The following CBX7 variants were observed in gnomAD, a reference collection of about 807,000 sequenced individuals.
CBX7 encodes chromobox protein homolog 7.
A neutral mutation model predicts 31.4 loss-of-function variants in CBX7; 14 were observed. The observed-to-expected ratio is 0.45, with a 90% CI of 0.29 to 0.70. The LOEUF (loss-of-function observed/expected upper bound fraction) is 0.70, where lower values mean the gene tolerates loss of function less well. Among genes scored for constraint, CBX7 ranks in the 30% least tolerant of loss-of-function variants. The pLI is 0.11. For missense variants in CBX7, 269 were observed against 351.9 expected, an observed-to-expected ratio of 0.76 and a Z score of 1.89; for synonymous variants, 159 against 152.6, an observed-to-expected ratio of 1.04 and a Z score of -0.31.
In CBX7 at chr22:39,133,793, TA is replaced by T. The variant is rs1219140547; in HGVS notation, c.*97del. 6 of 1,190,064 alleles carry T rather than the reference TA, an allele frequency of 5.0e-6. No homozygotes were observed. In the East Asian group the frequency reaches 1.7e-4, roughly 33 times the overall value. 73.7% of individuals were successfully genotyped at this position (1,190,064 alleles called of 1,614,324 possible). On this transcript the variant is annotated 3_prime_UTR_variant, in exon 6 of 6. Transcript: ENST00000216133. ...CCCCTTTTGCTGCTCGGTATTTTTT[TA>T]AATAAAATAATTACCCCGCCCCCAA... is the stretch of plus-strand genomic sequence containing the variant.
At chr22:39,142,329 T>C (rs951121365) in intron 2 of CBX7, among the ~76,000 whole-genome samples, 3 of 152,018 alleles carry the variant, frequency 2.0e-5, no homozygotes, top group South Asian at 2.1e-4. Context: ...ATCCCCAGCA[T>C]AGTCTCCCTC....
rs377477474 is a variant in CBX7 at position 39,134,393 on chromosome 22, C to A, written c.598+8G>T. ...GCTCTGAGGGTCTCTGGGCTGGGGCCGCCTTACCCTCCTCTTCAGGGGGCT... is the reference window on the plus strand; with the variant it reads ...GCTCTGAGGGTCTCTGGGCTGGGGCAGCCTTACCCTCCTCTTCAGGGGGCT... On this transcript the variant is annotated splice_region_variant and intron_variant, in intron 5 of 5. Coordinates refer to ENST00000216133, the MANE Select transcript of CBX7 (RefSeq NM_175709.5). The A allele has an allele frequency of 6.3e-7, 1 of 1,591,276 alleles. No individual in the cohort carries two copies. The highest frequency in any genetic ancestry group is 1.1e-5 in the South Asian group (1 of 90,122).
intron 3 of CBX7, chr22:39,141,112 C>T: frequency 2.2e-6 from 1 of 464,144 alleles, no homozygotes; most frequent in Admixed American, 3.9e-5. Flanking sequence ...TCAGGGTGGC[C>T]CATTTGACAG....
chr22:39,133,911 C>T lies in CBX7; in HGVS notation c.736G>A (p.Asp246Asn). 1 of 1,612,004 alleles carries T rather than the reference C, an allele frequency of 6.2e-7. No homozygotes were observed. ...EAQAAEGFFR[D>N]RSGKF ...GTGATTCAGAACTTCCCACTGCGGT[C>T]TCGGAAGAAGCCCTCAGCTGCCTGG... is the stretch of plus-strand genomic sequence containing the variant. Residue 246 changes from aspartate (D) to asparagine (N), a missense_variant, in exon 6 of 6, where the codon GAC (aspartate) becomes AAC (asparagine). Asp to Asn is a conservative substitution (Grantham distance 23). This residue lies in a region of CBX7 where 222 missense variants were observed against 240.4 expected (regional missense o/e 0.92). Transcript: ENST00000216133.
intron 4 of CBX7, among the ~76,000 whole-genome samples, chr22:39,137,345 G>T (rs1930289788): frequency 7.1e-6 from 1 of 140,002 alleles, no homozygotes; most frequent in Non-Finnish European, 1.6e-5. Context: ...TTCTTGTTGG[G>T]GTGGGGGGGC....
Position 39,134,449 on chromosome 22 carries a change from G to T in CBX7, c.550C>A (p.Gln184Lys), listed in dbSNP as rs1464147321. 3 of 1,606,108 alleles carry T rather than the reference G, an allele frequency of 1.9e-6. No individual in the cohort carries two copies. In the Admixed American group the frequency reaches 5.0e-5, roughly 27 times the overall value. The change falls in exon 5 of 6, where the codon CAG becomes AAG. Residue 184 changes from glutamine to lysine, a missense_variant. Around this residue, in one of 2 missense-constraint regions of CBX7, gnomAD observed 222 missense variants for 240.4 expected, o/e 0.92. Coordinates refer to ENST00000216133, the MANE Select transcript of CBX7 (RefSeq NM_175709.5). ...GCAGGCTCCCACTCGCCAGCCGCCT[G>T]CAGGACGTCTGGGGCCGGTGGCTCC... ...LQEPPAPDVL[Q>K]AAGEWEPAAQ...
Position 39,134,445 on chromosome 22 carries a change from G to T in CBX7, c.554C>A (p.Ala185Glu), listed in dbSNP as rs1258535046. 2.5e-6 allele frequency: 4 copies of T among 1,605,382 alleles called. No homozygotes were observed. The South Asian group carries it at 3.3e-5, about 13-fold the overall frequency. Residue 185 changes from alanine to glutamate, a missense_variant, in exon 5 of 6, where the codon GCG (alanine) becomes GAG (glutamate). Ala to Glu is a moderately radical substitution (Grantham distance 107). Around this residue, in one of 2 missense-constraint regions of CBX7, gnomAD observed 222 missense variants for 240.4 expected, o/e 0.92. Transcript: ENST00000216133. ...QEPPAPDVLQ[A>E]AGEWEPAAQP... ...CGCAGCAGGCTCCCACTCGCCAGCC[G>T]CCTGCAGGACGTCTGGGGCCGGTGG...
intron 2 of CBX7, among the ~76,000 whole-genome samples, chr22:39,143,260 A>G (rs1930522696): frequency 6.6e-6 from 1 of 150,988 alleles, no homozygotes; most frequent in Non-Finnish European, 1.5e-5. Flanking sequence ...GCTCAAAAAC[A>G]ATGAAAATAA....
intron 2 of CBX7, among the ~76,000 whole-genome samples, chr22:39,143,022 G>C (rs1055876131): frequency 2.6e-5 from 4 of 152,156 alleles, no homozygotes; most frequent in Non-Finnish European, 5.9e-5. Context: ...CAGCACTTTG[G>C]GTGGCCAGAT....
At position 39,152,358 on chromosome 22, in the gene CBX7, GC is replaced by G. The variant is rs774503563; in HGVS notation, c.69+17del. On this transcript the variant is annotated intron_variant, in intron 1 of 5. Coordinates refer to ENST00000216133, the MANE Select transcript of CBX7 (RefSeq NM_175709.5). The surrounding 1 kb of genome is among the most constrained non-coding windows in gnomAD (Gnocchi z 4.9). ...GGACCCCACTGGGGTCCTGGGAGCC[GC>G]CCCCGGGCAGCCTCACCTTCCGCAC... is the stretch of plus-strand genomic sequence containing the variant. 58 of 1,379,112 alleles carry G rather than the reference GC, an allele frequency of 4.2e-5. No homozygotes were observed. Among genetic ancestry groups the G allele is most frequent in the South Asian group, 1.6e-4 (10 of 63,768 alleles). The allele number at this position is 1,379,112 out of a possible 1,614,324, so 85.4% of individuals were successfully genotyped here.
rs1304408282 is a variant in CBX7, at chr22:39,134,622, A to C, written c.377T>G (p.Val126Gly). The C allele has an allele frequency of 6.3e-7, 1 of 1,584,840 alleles. No individual in the cohort carries two copies. Among genetic ancestry groups the C allele is most frequent in the East Asian group, 2.3e-5 (1 of 43,378 alleles). ...GVVKAGAPEL[V>G]DKGPLVPTLP... is the part of the protein sequence containing the mutation. Reference sequence around the variant, plus strand: ...GGTGGGCACCAAGGGGCCCTTGTCCACCAGCTCAGGTGCCCCCGCCTTGAC... The same window carrying C: ...GGTGGGCACCAAGGGGCCCTTGTCCCCCAGCTCAGGTGCCCCCGCCTTGAC... The change falls in exon 5 of 6, where the codon GTG (valine) becomes GGG (glycine). Residue 126 changes from valine to glycine, a missense_variant. By Grantham distance (109) the Val-to-Gly change is moderately radical. Around this residue, in one of 2 missense-constraint regions of CBX7, gnomAD observed 222 missense variants for 240.4 expected, o/e 0.92. Coordinates refer to ENST00000216133, the MANE Select transcript of CBX7 (RefSeq NM_175709.5).
At chr22:39,141,050 G>A (rs1230633209) in intron 3 of CBX7, 1 of 313,984 alleles carries the variant, frequency 3.2e-6, no homozygotes, top group Admixed American at 4.9e-5. Flanking sequence ...CACTGGAACA[G>A]AAACCTCTTA....
intron 2 of CBX7, among the ~76,000 whole-genome samples, chr22:39,142,115 C>T (rs949594000): frequency 2.6e-5 from 4 of 152,160 alleles, no homozygotes; most frequent in African/African-American, 7.2e-5. Context: ...CCATCTCTGC[C>T]CCTAGCTAGC....
At chr22:39,141,124 A>T in intron 3 of CBX7, 1 of 482,878 alleles carries the variant, frequency 2.1e-6, no homozygotes, top group South Asian at 2.2e-5. Flanking sequence ...ATTTGACAGC[A>T]GAGAGACTGA....
intron 4 of CBX7, among the ~76,000 whole-genome samples, chr22:39,137,101 G>A (rs1415876090): frequency 1.3e-5 from 2 of 152,150 alleles, no homozygotes; most frequent in Non-Finnish European, 2.9e-5. Flanking sequence ...TACAGGTGAA[G>A]AGGCTTACCT....
intron 4 of CBX7, among the ~76,000 whole-genome samples, chr22:39,137,189 G>A (rs1010199817): frequency 6.6e-6 from 1 of 152,036 alleles, no homozygotes; most frequent in Non-Finnish European, 1.5e-5. Context: ...ATTTTTTTAG[G>A]ATTTTGGAAT....
At chr22:39,138,367 T>C (rs1930331276) in intron 4 of CBX7, among the ~76,000 whole-genome samples, 1 of 152,140 alleles carries the variant, frequency 6.6e-6, no homozygotes, top group Admixed American at 6.6e-5. Context: ...GCTTTGAGAA[T>C]TCTAGGATTC....
At chr22:39,136,786 T>C (rs1188594335) in intron 4 of CBX7, 1 of 152,252 alleles carries the variant, frequency 6.6e-6, no homozygotes, top group East Asian at 1.9e-4. Context: ...AGGCTTAGTA[T>C]GTGGATGGAG....
intron 5 of CBX7, 156 bp from the exon 6 acceptor site, chr22:39,134,204 G>A: frequency 2.3e-6 from 2 of 859,102 alleles, no homozygotes; most frequent in Non-Finnish European, 3.5e-6. Context: ...GGCACTGGGT[G>A]CATCCTCCCC....
Sources: gnomAD v4.1 joint callset for allele counts (sites outside exome capture counted in the v4.1 genomes callset) on GRCh38, gnomAD v4.1.1 for gene constraint, gnomAD v4.1.1 regional missense constraint, Gnocchi (gnomAD v3.1) non-coding constraint, MANE v1.5 for transcripts, NCBI Gene and HGNC (gene_info 2026-07-23, HGNC 2026-07-21) for gene names.